Variants in FBXL17 observed in about 807,000 individuals in gnomAD.
FBXL17 encodes F-box and leucine rich repeat protein 17, also known as F-box/LRR-repeat protein 17.
In FBXL17, 22 loss-of-function variants were observed where a neutral mutation model predicts 66.2. The observed-to-expected ratio is 0.33, with a 90% CI of 0.24 to 0.47. The LOEUF (loss-of-function observed/expected upper bound fraction) is 0.47, where lower values mean the gene tolerates loss of function less well. FBXL17 is among the 20% of genes least tolerant of loss of function. The probability of loss-of-function intolerance (pLI) is 1.00; values close to 1 mark genes in which losing one functional copy is unlikely to be tolerated. For missense variants in FBXL17, 878 were observed against 948.2 expected (o/e 0.93, Z 0.97); for synonymous variants, 474 against 400.5 (o/e 1.18, Z -2.19).
chr5:107,891,395 G>C (rs1001034287), intron 7 of FBXL17, among the ~76,000 whole-genome samples: 1 of 152,184 alleles, frequency 6.6e-6, no homozygotes, highest in Non-Finnish European at 1.5e-5. Context: ...TATAATTTAA[G>C]TTAAACTTTC....
chr5:108,042,769 C>T (rs971832972), intron 6 of FBXL17, among the ~76,000 whole-genome samples: 1 of 152,126 alleles, frequency 6.6e-6, no homozygotes, highest in African/African-American at 2.4e-5. Context: ...ACCAGGAGTG[C>T]AATTGTTGGG....
intron 5 of FBXL17, 52 bp from the exon 6 acceptor site, chr5:108,186,299 C>A: frequency 6.7e-7 from 1 of 1,496,718 alleles, no homozygotes; most frequent in South Asian, 1.2e-5. Context: ...TACATTCACT[C>A]TCAAAACTTA....
rs990361426 is a variant in FBXL17 at position 108,265,770 on chromosome 5, C to A, written c.1507-41542G>T. Among the ~76,000 whole-genome samples the A allele has an allele frequency of 4.6e-5, 7 of 152,106 alleles. 1 individual carries two copies. Among genetic ancestry groups the A allele is most frequent in the Admixed American group, 1.3e-4 (2 of 15,270 alleles). ...CCAGAGCATCTCAAATATTAATGTG[C>A]AAGCAAACTATAGCTTGTTAAAATG... On this transcript the variant is annotated intron_variant, in intron 4 of 8. Coordinates refer to ENST00000542267, the MANE Select transcript of FBXL17 (RefSeq NM_001163315.3).
chr5:107,874,775 G>A (rs542148113), intron 8 of FBXL17, among the ~76,000 whole-genome samples: 3 of 152,300 alleles, frequency 2.0e-5, no homozygotes, highest in African/African-American at 7.2e-5. Flanking sequence ...CTGAATTTCA[G>A]CTGATGTGTT....
At chr5:108,219,966 T>C (rs1754788919) in intron 5 of FBXL17, among the ~76,000 whole-genome samples, 3 of 148,362 alleles carry the variant, frequency 2.0e-5, no homozygotes, top group Non-Finnish European at 4.5e-5. Context: ...ACTTTGGATT[T>C]AGTTTGCTCC....
At chr5:108,067,164 C>A (rs1364906398) in intron 6 of FBXL17, among the ~76,000 whole-genome samples, 1 of 152,070 alleles carries the variant, frequency 6.6e-6, no homozygotes, top group Admixed American at 6.5e-5. Context: ...TAATAATTTA[C>A]ACAACATAGA....
intron 6 of FBXL17, among the ~76,000 whole-genome samples, chr5:108,113,191 A>G (rs1185327516): frequency 2.6e-5 from 4 of 152,162 alleles, no homozygotes; most frequent in South Asian, 2.1e-4. Flanking sequence ...AGAGACATGC[A>G]TTCCCATCTG....
intron 6 of FBXL17, among the ~76,000 whole-genome samples, chr5:108,148,784 T>C (rs1303166208): frequency 6.6e-6 from 1 of 152,186 alleles, no homozygotes; most frequent in African/African-American, 2.4e-5. Context: ...AGTGATTTCA[T>C]CCTCTACAGT....
At chr5:108,305,018 G>C (rs2966830) in intron 4 of FBXL17, among the ~76,000 whole-genome samples, 24,838 of 151,902 alleles carry the variant, frequency 0.16, 2,156 homozygotes, top group South Asian at 0.33. Context: ...AACTTTTTGA[G>C]CTTCTATTTC....
At chr5:107,921,700 G>A (rs1401536848) in intron 7 of FBXL17, among the ~76,000 whole-genome samples, 2 of 152,172 alleles carry the variant, frequency 1.3e-5, no homozygotes, top group African/African-American at 4.8e-5. Context: ...AAGGTGAACA[G>A]TCCAACACTT....
chr5:108,045,477 T>G (rs543602958), intron 6 of FBXL17, among the ~76,000 whole-genome samples: 7 of 151,634 alleles, frequency 4.6e-5, no homozygotes, highest in Non-Finnish European at 5.9e-5. Context: ...TAATAATTTC[T>G]TTCCTTCTGC....
chr5:107,928,273 G>C (rs1486539674), intron 7 of FBXL17, among the ~76,000 whole-genome samples: 1 of 151,984 alleles, frequency 6.6e-6, no homozygotes, highest in Non-Finnish European at 1.5e-5. Flanking sequence ...TGAGAAAAAA[G>C]ACTTTGACTA....
intron 7 of FBXL17, among the ~76,000 whole-genome samples, chr5:107,939,128 T>C (rs961461036): frequency 6.6e-6 from 1 of 152,142 alleles, no homozygotes; most frequent in South Asian, 2.1e-4. Flanking sequence ...ATCCTTATAA[T>C]ATCAACAACA....
At chr5:108,123,953 C>T (rs1260213965) in intron 6 of FBXL17, among the ~76,000 whole-genome samples, 2 of 152,090 alleles carry the variant, frequency 1.3e-5, no homozygotes, top group South Asian at 2.1e-4. Flanking sequence ...AGATCACCTA[C>T]CAACCAGCAT....
intron 6 of FBXL17, among the ~76,000 whole-genome samples, chr5:108,139,821 A>G (rs1023115102): frequency 6.6e-6 from 1 of 152,150 alleles, no homozygotes; most frequent in African/African-American, 2.4e-5. Flanking sequence ...TTCTGATATT[A>G]CCTTATTCTT....
intron 4 of FBXL17, among the ~76,000 whole-genome samples, chr5:108,229,354 G>A (rs1045098800): frequency 2.6e-5 from 4 of 152,044 alleles, no homozygotes; most frequent in African/African-American, 9.7e-5. Flanking sequence ...GCATGGTACT[G>A]GTATAAAAAT....
intron 6 of FBXL17, among the ~76,000 whole-genome samples, chr5:108,093,801 T>A (rs953240814): frequency 2.0e-5 from 3 of 152,178 alleles, no homozygotes; most frequent in Non-Finnish European, 4.4e-5. Flanking sequence ...CTATGTTTTA[T>A]TCTAATGCTT....
At chr5:108,230,051 T>TA (rs1240522813) in intron 4 of FBXL17, among the ~76,000 whole-genome samples, 1 of 151,988 alleles carries the variant, frequency 6.6e-6, no homozygotes, top group Non-Finnish European at 1.5e-5. Context: ...ATGACCATAA[T>TA]AAAAAAATCA....
chr5:108,066,431 T>G (rs1748119832), intron 6 of FBXL17, among the ~76,000 whole-genome samples: 1 of 152,050 alleles, frequency 6.6e-6, no homozygotes, highest in Non-Finnish European at 1.5e-5. Flanking sequence ...TTGCCTTTAT[T>G]GAAAGACTTA....
Sources: allele counts gnomAD v4.1 joint callset (sites outside exome capture counted in the v4.1 genomes callset), GRCh38; gene constraint gnomAD v4.1.1; transcripts MANE v1.5; gene names NCBI Gene and HGNC (gene_info 2026-07-23, HGNC 2026-07-21).